FAT3: variants seen among roughly 807,000 people sequenced by gnomAD.
FAT3 encodes the protein protocadherin Fat 3.
Under a neutral mutation model 310.2 loss-of-function variants are expected in FAT3, and 95 were observed. That is an observed-to-expected ratio of 0.31 (90% confidence interval 0.26 to 0.36). The LOEUF is 0.36. Among genes scored for constraint, FAT3 ranks in the 10% least tolerant of loss-of-function variants. FAT3 has a pLI of 1.00. For missense variants in FAT3, 5,408 were observed against 5,715.6 expected (o/e 0.95, Z 1.74); for synonymous variants, 2,314 against 2,192.9 (o/e 1.06, Z -1.54).
At position 92,866,830 on chromosome 11, in the gene FAT3, C is replaced by T. The variant is rs1465739770; in HGVS notation, c.11748C>T (p.Ser3916=). ...CGGGCCGTGCTGTCAACGACGGGAGCTGGCACTCGGTCTTCCTGGAGCTCA... is the reference window on the plus strand; with the variant it reads ...CGGGCCGTGCTGTCAACGACGGGAGTTGGCACTCGGTCTTCCTGGAGCTCA... ...GISGRAVNDG[S]WHSVFLELNR... is the part of the protein sequence containing the mutation. The change falls in exon 22 of 28, where the codon AGC becomes AGT. Residue 3916 remains serine (S), a synonymous_variant. Coordinates refer to ENST00000525166, the MANE Select transcript of FAT3 (RefSeq NM_001367949.2). 1 of 1,613,956 alleles carries T rather than the reference C, an allele frequency of 6.2e-7. No individual in the cohort carries two copies. Among genetic ancestry groups the T allele is most frequent in the Non-Finnish European group, 8.5e-7 (1 of 1,179,878 alleles).
intron 1 of FAT3, among the ~76,000 whole-genome samples, chr11:92,308,115 T>C (rs997613024): frequency 1.3e-5 from 2 of 152,162 alleles, no homozygotes; most frequent in Non-Finnish European, 2.9e-5. Flanking sequence ...TTTGAAGTTG[T>C]CTTCCAGGTT....
rs552213291 is a variant in FAT3, at chr11:92,655,869, G to A, written c.3608-41515G>A. Among the ~76,000 whole-genome samples the A allele has an allele frequency of 2.2e-4, 33 of 152,286 alleles. 1 individual carries two copies. Among genetic ancestry groups the A allele is most frequent in the African/African-American group, 7.9e-4 (33 of 41,572 alleles). On this transcript the variant is annotated intron_variant, in intron 3 of 27. Coordinates refer to ENST00000525166, the MANE Select transcript of FAT3 (RefSeq NM_001367949.2). ...TTGAGAGCAGATCTATGTCTGATTA[G>A]CTTTGTAACCTTGCATTGTCCAGAA... is the stretch of plus-strand genomic sequence containing the variant.
chr11:92,260,707 C>T (rs571001075), intron 1 of FAT3, among the ~76,000 whole-genome samples: 1 of 152,056 alleles, frequency 6.6e-6, no homozygotes, highest in African/African-American at 2.4e-5. Flanking sequence ...ATCACCTGGT[C>T]CCTTGTCTAT....
intron 2 of FAT3, among the ~76,000 whole-genome samples, chr11:92,473,579 T>C (rs866963008): frequency 5.3e-5 from 8 of 152,156 alleles, no homozygotes; most frequent in African/African-American, 1.9e-4. Flanking sequence ...CAGACTGAAA[T>C]AGATTGGATT....
chr11:92,566,825 G>A (rs1035098899), intron 3 of FAT3, among the ~76,000 whole-genome samples: 3 of 152,294 alleles, frequency 2.0e-5, no homozygotes, highest in African/African-American at 7.2e-5. Context: ...GGGAAAACTG[G>A]CTGGCCATAT....
rs1949988729 is a variant in FAT3 at position 92,894,709 on chromosome 11, A to ACC, written c.*3598_*3599dup. ...TCTAGTCTATGCCAGCTTTCCATGT[A>ACC]CCCTTGGCCTGCCTATTCATGAAAT... is the stretch of plus-strand genomic sequence containing the variant. On this transcript the variant is annotated 3_prime_UTR_variant, in exon 28 of 28. Transcript: ENST00000525166. The ACC allele has an allele frequency of 6.6e-6, 1 of 152,172 alleles. No homozygotes were observed. The highest frequency in any genetic ancestry group is 2.4e-5 in the African/African-American group (1 of 41,436). 9.4% of individuals were successfully genotyped at this position (152,172 alleles called of 1,614,324 possible). A position where few individuals can be genotyped will look rare whatever the true frequency, so the allele number is the denominator to read the frequency against.
chr11:92,886,894 A>G, intron 24 of FAT3, 106 bp from the exon 25 acceptor site: 1 of 854,310 alleles, frequency 1.2e-6, no homozygotes, highest in Non-Finnish European at 1.8e-6. Flanking sequence ...CTCTAAGCAA[A>G]TGAAAGTGCC....
intron 3 of FAT3, among the ~76,000 whole-genome samples, chr11:92,594,366 C>T (rs571022448): frequency 4.6e-4 from 70 of 152,242 alleles, no homozygotes; most frequent in African/African-American, 1.6e-3. Flanking sequence ...TCACTGAACC[C>T]AGGAGGTGGA....
chr11:92,557,867 C>T (rs2135459371), intron 3 of FAT3, among the ~76,000 whole-genome samples: 1 of 152,308 alleles, frequency 6.6e-6, no homozygotes, highest in African/African-American at 2.4e-5. Context: ...AGAGCCAATC[C>T]TCTATTCCTG....
intron 2 of FAT3, among the ~76,000 whole-genome samples, chr11:92,497,652 A>G (rs1170040831): frequency 6.6e-6 from 1 of 152,036 alleles, no homozygotes; most frequent in Non-Finnish European, 1.5e-5. Flanking sequence ...ATAATTATTG[A>G]GGTGACACAG....
intron 19 of FAT3, among the ~76,000 whole-genome samples, chr11:92,845,960 G>T (rs1948673993): frequency 6.6e-6 from 1 of 152,174 alleles, no homozygotes; most frequent in African/African-American, 2.4e-5. Context: ...GTTTGTGATT[G>T]CATCAGGTAG....
intron 3 of FAT3, among the ~76,000 whole-genome samples, chr11:92,527,772 A>T (rs1416351793): frequency 6.6e-6 from 1 of 152,080 alleles, no homozygotes; most frequent in Admixed American, 6.5e-5. Context: ...TTACATCAAT[A>T]TAACATTTTT....
chr11:92,611,561 CT>C (rs1940564048), intron 3 of FAT3, among the ~76,000 whole-genome samples: 3 of 152,064 alleles, frequency 2.0e-5, no homozygotes, highest in Admixed American at 2.0e-4. Context: ...GCCCAGCTAA[CT>C]TTTGTATTTT....
intron 20 of FAT3, among the ~76,000 whole-genome samples, chr11:92,858,600 G>A (rs915622419): frequency 6.6e-6 from 1 of 152,184 alleles, no homozygotes; most frequent in Non-Finnish European, 1.5e-5. Flanking sequence ...CAAAATTTAA[G>A]GGGAGCCTCG....
intron 3 of FAT3, among the ~76,000 whole-genome samples, chr11:92,556,909 T>C (rs1359916062): frequency 6.6e-6 from 1 of 152,110 alleles, no homozygotes; most frequent in Non-Finnish European, 1.5e-5. Flanking sequence ...TGCCCTGAGC[T>C]CCTGACACTG....
intron 3 of FAT3, among the ~76,000 whole-genome samples, chr11:92,653,579 C>G (rs1017362533): frequency 6.6e-6 from 1 of 152,114 alleles, no homozygotes; most frequent in Admixed American, 6.5e-5. Flanking sequence ...TGGGGACACC[C>G]AGAACTCCCT....
chr11:92,885,794 G>T (rs1949782125), intron 24 of FAT3, among the ~76,000 whole-genome samples: 1 of 152,304 alleles, frequency 6.6e-6, no homozygotes, highest in East Asian at 1.9e-4. Context: ...GGCTAAGCTT[G>T]TGCACACCTT....
chr11:92,828,222 C>A (rs1246720967), intron 13 of FAT3, among the ~76,000 whole-genome samples: 1 of 151,938 alleles, frequency 6.6e-6, no homozygotes, highest in African/African-American at 2.4e-5. Flanking sequence ...GCAACATGAC[C>A]TGCATTCCTT....
At chr11:92,343,598 C>T (rs139307778) in intron 1 of FAT3, among the ~76,000 whole-genome samples, 97 of 152,250 alleles carry the variant, frequency 6.4e-4, no homozygotes, top group Non-Finnish European at 1.0e-3. Context: ...TTCTTCTCTT[C>T]GTGTTAGACC....
Sources: gnomAD v4.1 joint callset for allele counts (sites outside exome capture counted in the v4.1 genomes callset) on GRCh38, gnomAD v4.1.1 for gene constraint, MANE v1.5 for transcripts, NCBI Gene and HGNC (gene_info 2026-07-23, HGNC 2026-07-21) for gene names.